The following GALNT11 variants were observed in gnomAD, a reference collection of about 807,000 sequenced individuals.
GALNT11 encodes UDP-GalNAc:polypeptide N-acetylgalactosaminyltransferase 11.
A neutral mutation model predicts 72.7 loss-of-function variants in GALNT11; 47 were observed. That is an observed-to-expected ratio of 0.65 (90% CI 0.51 to 0.82). The LOEUF (loss-of-function observed/expected upper bound fraction) is 0.82. Among genes scored for constraint, GALNT11 ranks in the 40% least tolerant of loss-of-function variants. The pLI is 0.00. For missense variants in GALNT11, 677 were observed against 778.4 expected (o/e 0.87, Z 1.55); for synonymous variants, 270 against 286.6 (o/e 0.94, Z 0.58).
chr7:152,104,031 A>C (rs753434553), intron 4 of GALNT11: 1 of 152,226 alleles, frequency 6.6e-6, no homozygotes, highest in Non-Finnish European at 1.5e-5. Context: ...CATATTCTAT[A>C]TTCTGTACGC....
chr7:152,101,769 G>A (rs1277169282), intron 3 of GALNT11, among the ~76,000 whole-genome samples: 2 of 152,050 alleles, frequency 1.3e-5, no homozygotes, highest in African/African-American at 4.8e-5. Context: ...GAGTAGCTAG[G>A]ACTACAGGCG....
intron 2 of GALNT11, among the ~76,000 whole-genome samples, chr7:152,099,579 G>C (rs1403153882): frequency 7.4e-6 from 1 of 134,858 alleles, no homozygotes; most frequent in African/African-American, 2.9e-5. Context: ...GTAGAGATGG[G>C]GTTTCACCGT....
intron 1 of GALNT11, among the ~76,000 whole-genome samples, chr7:152,074,649 G>T (rs1450359346): frequency 1.3e-5 from 2 of 152,158 alleles, no homozygotes; most frequent in Non-Finnish European, 2.9e-5. Flanking sequence ...TGTGGGTGTG[G>T]TGGTGAAGTG....
At chr7:152,080,380 A>AT (rs2085249845) in intron 1 of GALNT11, among the ~76,000 whole-genome samples, 1 of 152,092 alleles carries the variant, frequency 6.6e-6, no homozygotes, top group Admixed American at 6.6e-5. Context: ...TGTCTAAGAA[A>AT]TTTTTTACCT....
At chr7:152,070,925 C>T (rs1463168922) in intron 1 of GALNT11, among the ~76,000 whole-genome samples, 1 of 152,056 alleles carries the variant, frequency 6.6e-6, no homozygotes, top group Non-Finnish European at 1.5e-5. Flanking sequence ...TCCGTGATGC[C>T]CAACAAGCCA....
At chr7:152,072,328 A>G (rs991971005) in intron 1 of GALNT11, among the ~76,000 whole-genome samples, 6 of 152,080 alleles carry the variant, frequency 3.9e-5, no homozygotes, top group South Asian at 2.1e-4. Flanking sequence ...AAAAAAAAAA[A>G]AAAAGAAAAA....
chr7:152,073,042 G>A (rs1490123555), intron 1 of GALNT11, among the ~76,000 whole-genome samples: 6 of 152,140 alleles, frequency 3.9e-5, no homozygotes, highest in Non-Finnish European at 8.8e-5. Flanking sequence ...ATATAATTGT[G>A]TATATTTATG....
At position 152,117,337 on chromosome 7, in the gene GALNT11, A is replaced by G. The variant is rs144593380; in HGVS notation, c.1414A>G (p.Arg472Gly). 2.6e-5 allele frequency: 42 copies of G among 1,614,192 alleles called. No homozygotes were observed. The African/African-American group carries it at 5.6e-4, about 22-fold the overall frequency. Residue 472 changes from arginine (R) to glycine (G), a missense_variant, in exon 9 of 12, where the codon AGA (arginine) becomes GGA (glycine). Coordinates refer to ENST00000430044, the MANE Select transcript of GALNT11 (RefSeq NM_022087.4). ...AKPQQPIFVN[R>G]GPKRPKVLQR... ...ACCCCAACAACCCATTTTTGTCAAT[A>G]GAGGGCCAAAACGACCCAAAGTCCT...
intron 9 of GALNT11, 53 bp from the exon 10 acceptor site, chr7:152,118,625 G>C: frequency 6.5e-7 from 1 of 1,537,582 alleles, no homozygotes; most frequent in Admixed American, 1.9e-5. Flanking sequence ...TCCAGGCTTG[G>C]GAGGCGTCTC....
chr7:152,118,107 C>G (rs952355456), intron 9 of GALNT11: 1 of 153,432 alleles, frequency 6.5e-6, no homozygotes, highest in African/African-American at 2.4e-5. Context: ...CCTTCCTCTT[C>G]TCTCTACCCT....
At chr7:152,050,022 G>C (rs2083316350) in intron 1 of GALNT11, among the ~76,000 whole-genome samples, 2 of 152,180 alleles carry the variant, frequency 1.3e-5, no homozygotes, top group South Asian at 4.1e-4. Context: ...CTCCCCTCTG[G>C]CCCAGGACAA....
At chr7:152,026,867 C>T (rs1398676148) in intron 1 of GALNT11, among the ~76,000 whole-genome samples, 2 of 152,242 alleles carry the variant, frequency 1.3e-5, no homozygotes, top group African/African-American at 4.8e-5. Context: ...GCTGTGCCCC[C>T]ACCACCTTGG....
intron 1 of GALNT11, among the ~76,000 whole-genome samples, chr7:152,032,012 A>G (rs1427340653): frequency 6.6e-6 from 1 of 152,204 alleles, no homozygotes; most frequent in African/African-American, 2.4e-5. Context: ...TCTGGCTAAG[A>G]TTAGGCCTAG....
At position 152,100,795 on chromosome 7, in the gene GALNT11, C is replaced by T; in HGVS notation, c.296-3C>T. ...TTCGCTGACTAACTTCACTCTTTTG[C>T]AGGTATGATTTTTAATGAACGCGAT... On this transcript the variant is annotated splice_polypyrimidine_tract_variant and splice_region_variant and intron_variant, in intron 2 of 11. Transcript: ENST00000430044. 2 of 1,612,908 alleles carry T rather than the reference C, an allele frequency of 1.2e-6. No individual in the cohort carries two copies. The highest frequency in any genetic ancestry group is 2.2e-5 in the East Asian group (1 of 44,844).
intron 1 of GALNT11, among the ~76,000 whole-genome samples, chr7:152,073,696 TAGATTTTGA>T (rs1380223480): frequency 3.3e-5 from 5 of 152,214 alleles, no homozygotes; most frequent in African/African-American, 1.2e-4. Context: ...ATGCTATTTG[TAGATTTTGA>T]GGAGCCTCTA....
At chr7:152,046,432 A>G (rs140752953) in intron 1 of GALNT11, among the ~76,000 whole-genome samples, 3 of 152,096 alleles carry the variant, frequency 2.0e-5, no homozygotes, top group African/African-American at 4.8e-5. Flanking sequence ...ATTGGGATCT[A>G]TCTCTCTCTT....
chr7:152,048,787 T>C (rs919095640), intron 1 of GALNT11, among the ~76,000 whole-genome samples: 7 of 151,836 alleles, frequency 4.6e-5, no homozygotes, highest in Admixed American at 1.3e-4. Context: ...GGCTGTTTTC[T>C]AGATCTTGTA....
intron 1 of GALNT11, among the ~76,000 whole-genome samples, chr7:152,070,072 C>T (rs2084546190): frequency 6.6e-6 from 1 of 150,902 alleles, no homozygotes; most frequent in Non-Finnish European, 1.5e-5. Flanking sequence ...TCTTGGCTCA[C>T]TGCAAGCTCC....
intron 1 of GALNT11, among the ~76,000 whole-genome samples, chr7:152,048,811 C>G (rs931981048): frequency 1.3e-5 from 2 of 151,582 alleles, no homozygotes; most frequent in African/African-American, 4.9e-5. Context: ...GTGCTTCATT[C>G]TTGTTTTTTT....
Sources: gnomAD v4.1 joint callset for allele counts (sites outside exome capture counted in the v4.1 genomes callset) on GRCh38, gnomAD v4.1.1 for gene constraint, MANE v1.5 for transcripts, NCBI Gene and HGNC (gene_info 2026-07-23, HGNC 2026-07-21) for gene names.